Variants in CACNA2D3 observed in about 807,000 individuals in gnomAD.
CACNA2D3 encodes the protein voltage-dependent calcium channel subunit alpha-2/delta-3.
In CACNA2D3, 60 loss-of-function variants were observed where a neutral mutation model predicts 160.6. That is an observed-to-expected ratio of 0.37 (90% CI 0.30 to 0.46). The LOEUF (loss-of-function observed/expected upper bound fraction) is 0.46, where lower values mean the gene tolerates loss of function less well. Among genes scored for constraint, CACNA2D3 ranks in the 20% least tolerant of loss-of-function variants. The probability of loss-of-function intolerance (pLI) is 1.00; values close to 1 mark genes in which losing one functional copy is unlikely to be tolerated. For missense variants in CACNA2D3, 1,205 were observed against 1,365.0 expected (o/e 0.88, Z 1.85); for synonymous variants, 558 against 492.9 (o/e 1.13, Z -1.75).
chr3:54,847,054 T>C (rs1298065989), intron 17 of CACNA2D3, among the ~76,000 whole-genome samples: 2 of 152,238 alleles, frequency 1.3e-5, no homozygotes, highest in Non-Finnish European at 2.9e-5. Flanking sequence ...TAAACCACTT[T>C]CTTTCTCTCA....
intron 27 of CACNA2D3, among the ~76,000 whole-genome samples, chr3:54,929,948 C>T (rs76660828): frequency 0.036 from 5,526 of 152,208 alleles, 302 homozygotes; most frequent in African/African-American, 0.12. Context: ...CTCATATCTA[C>T]CTGTGTGCCT....
chr3:54,214,326 C>A (rs1018605368), intron 2 of CACNA2D3, among the ~76,000 whole-genome samples: 7 of 152,108 alleles, frequency 4.6e-5, no homozygotes, highest in Non-Finnish European at 1.0e-4. Context: ...CTTCCACATG[C>A]CATATTCTTG....
At chr3:54,809,230 C>G (rs568342165) in intron 13 of CACNA2D3, among the ~76,000 whole-genome samples, 21 of 150,340 alleles carry the variant, frequency 1.4e-4, no homozygotes, top group African/African-American at 3.9e-4. Context: ...TCTCATTTCT[C>G]TCTTTCTCTC....
intron 2 of CACNA2D3, among the ~76,000 whole-genome samples, chr3:54,202,850 A>T (rs561202655): frequency 6.6e-6 from 1 of 152,210 alleles, no homozygotes; most frequent in Admixed American, 6.5e-5. Flanking sequence ...TCTCCCCACT[A>T]CTTGACTCTC....
intron 17 of CACNA2D3, among the ~76,000 whole-genome samples, chr3:54,863,474 C>G (rs1265992937): frequency 6.6e-6 from 1 of 152,134 alleles, no homozygotes; most frequent in African/African-American, 2.4e-5. Flanking sequence ...CCTCCCAGCT[C>G]AACTACTCAG....
chr3:54,821,158 CT>C (rs1703582518), intron 14 of CACNA2D3, among the ~76,000 whole-genome samples: 1 of 152,198 alleles, frequency 6.6e-6, no homozygotes. Context: ...TGCTCTATGT[CT>C]TTCCTGACAC....
chr3:54,736,089 G>C (rs377407606), intron 11 of CACNA2D3, among the ~76,000 whole-genome samples: 1 of 37,718 alleles, frequency 2.7e-5, no homozygotes, highest in South Asian at 7.1e-4. Context: ...ATATGTATGT[G>C]TATATATATA....
At chr3:54,258,461 T>A (rs1277717248) in intron 2 of CACNA2D3, among the ~76,000 whole-genome samples, 3 of 152,144 alleles carry the variant, frequency 2.0e-5, no homozygotes, top group East Asian at 3.8e-4. Flanking sequence ...GTGTTAGGGA[T>A]GGTGGATGGC....
At chr3:54,931,663 A>G (rs746457579) in intron 27 of CACNA2D3, among the ~76,000 whole-genome samples, 3 of 152,228 alleles carry the variant, frequency 2.0e-5, no homozygotes, top group Non-Finnish European at 2.9e-5. Flanking sequence ...CCCGTAGAGT[A>G]AAATTGTGTT....
At chr3:54,688,670 G>C (rs1170857010) in intron 11 of CACNA2D3, among the ~76,000 whole-genome samples, 1 of 151,734 alleles carries the variant, frequency 6.6e-6, no homozygotes, top group Non-Finnish European at 1.5e-5. Flanking sequence ...TCCTGACACA[G>C]AGAAAGAGCT....
At chr3:54,285,796 G>A (rs537903888) in intron 2 of CACNA2D3, among the ~76,000 whole-genome samples, 6 of 152,324 alleles carry the variant, frequency 3.9e-5, no homozygotes, top group South Asian at 2.1e-4. Flanking sequence ...TGCAGCCAGC[G>A]CTGCTGATAC....
At chr3:54,428,834 C>A (rs1348083426) in intron 4 of CACNA2D3, among the ~76,000 whole-genome samples, 1 of 151,052 alleles carries the variant, frequency 6.6e-6, no homozygotes, top group Non-Finnish European at 1.5e-5. Context: ...CATAATTTAT[C>A]TAGTTACTGT....
At chr3:54,549,737 G>T (rs1702126015) in intron 5 of CACNA2D3, among the ~76,000 whole-genome samples, 1 of 152,158 alleles carries the variant, frequency 6.6e-6, no homozygotes, top group Non-Finnish European at 1.5e-5. Flanking sequence ...ACACGCATTT[G>T]TACAGTTCCT....
chr3:54,327,165 G>GC (rs1335396226), intron 3 of CACNA2D3, among the ~76,000 whole-genome samples: 2 of 152,164 alleles, frequency 1.3e-5, no homozygotes, highest in Non-Finnish European at 2.9e-5. Flanking sequence ...CAGGGTTTCC[G>GC]CTAACATACT....
At chr3:54,152,027 T>G (rs1700161208) in intron 2 of CACNA2D3, among the ~76,000 whole-genome samples, 1 of 152,232 alleles carries the variant, frequency 6.6e-6, no homozygotes, top group Non-Finnish European at 1.5e-5. Flanking sequence ...GGGTTCTGAT[T>G]AGAAACATGT....
At chr3:54,127,182 A>G (rs912984505) in intron 2 of CACNA2D3, among the ~76,000 whole-genome samples, 10 of 152,250 alleles carry the variant, frequency 6.6e-5, no homozygotes, top group Admixed American at 4.6e-4. Context: ...TTCCAGAATC[A>G]TGATGATAAA....
At chr3:54,471,309 A>G (rs913457926) in intron 4 of CACNA2D3, among the ~76,000 whole-genome samples, 8 of 152,184 alleles carry the variant, frequency 5.3e-5, no homozygotes, top group African/African-American at 1.9e-4. Flanking sequence ...CTACTGGGTA[A>G]ATAACGAAAT....
chr3:54,171,426 C>G (rs965242033), intron 2 of CACNA2D3, among the ~76,000 whole-genome samples: 5 of 152,022 alleles, frequency 3.3e-5, no homozygotes, highest in African/African-American at 1.2e-4. Context: ...CATTGGAGAT[C>G]ATGCTGCCCT....
intron 35 of CACNA2D3, among the ~76,000 whole-genome samples, chr3:55,024,621 G>A (rs984649063): frequency 9.2e-5 from 14 of 152,102 alleles, no homozygotes; most frequent in Admixed American, 1.3e-4. Context: ...TAAGTCTGCT[G>A]GTGTCTTGAT....
Sources: allele counts gnomAD v4.1 joint callset (sites outside exome capture counted in the v4.1 genomes callset), GRCh38; gene constraint gnomAD v4.1.1; transcripts MANE v1.5; gene names NCBI Gene and HGNC (gene_info 2026-07-23, HGNC 2026-07-21).